C8orf34: variants seen among roughly 807,000 people sequenced by gnomAD.
The protein encoded by C8orf34 is chromosome 8 open reading frame 34, also known as uncharacterized protein C8orf34.
A neutral mutation model predicts 68.3 loss-of-function variants in C8orf34; 65 were observed. The ratio of observed to expected loss-of-function variants is 0.95; its 90% confidence interval spans 0.78 to 1.17. The LOEUF is 1.17. Ranked by LOEUF, C8orf34 falls within the 50% of genes most tolerant of loss-of-function variation. C8orf34 has a pLI of 0.00. For synonymous variants in C8orf34, 244 were observed against 241.2 expected (o/e 1.01, Z -0.11); for missense variants, 664 against 655.4 (o/e 1.01, Z -0.14).
At chr8:68,344,840 G>T (rs546552421) in intron 1 of C8orf34, among the ~76,000 whole-genome samples, 1 of 152,140 alleles carries the variant, frequency 6.6e-6, no homozygotes, top group South Asian at 2.1e-4. Context: ...TTTTTATTGG[G>T]GGGGAGTAAC....
intron 1 of C8orf34, among the ~76,000 whole-genome samples, chr8:68,362,476 C>G (rs968188181): frequency 5.9e-5 from 9 of 152,194 alleles, no homozygotes; most frequent in Non-Finnish European, 8.8e-5. Context: ...GTGAGCGACG[C>G]AGAAGACGGG....
intron 8 of C8orf34, among the ~76,000 whole-genome samples, chr8:68,694,984 G>A (rs1026752838): frequency 6.6e-6 from 1 of 151,838 alleles, no homozygotes; most frequent in Non-Finnish European, 1.5e-5. Context: ...TTCAAAAAAC[G>A]ATTTACTATC....
chr8:68,333,109 A>T (rs993283117), intron 1 of C8orf34, among the ~76,000 whole-genome samples: 2 of 152,182 alleles, frequency 1.3e-5, no homozygotes, highest in African/African-American at 2.4e-5. Context: ...TTGTTATCTT[A>T]AAATCCCCAA....
At chr8:68,694,768 T>C (rs1398387135) in intron 8 of C8orf34, among the ~76,000 whole-genome samples, 1 of 151,534 alleles carries the variant, frequency 6.6e-6, no homozygotes, top group Admixed American at 6.6e-5. Flanking sequence ...CTGGTTCACT[T>C]TTTAGTAAAA....
chr8:68,380,313 A>G (rs1367608191), intron 1 of C8orf34, among the ~76,000 whole-genome samples: 2 of 152,242 alleles, frequency 1.3e-5, no homozygotes, highest in Admixed American at 6.5e-5. Flanking sequence ...CATGACAGGA[A>G]CAAGATGTAC....
In C8orf34 at chr8:68,408,301, G is replaced by A. The variant is rs149019302; in HGVS notation, c.328-31198G>A. Among the ~76,000 whole-genome samples the A allele has an allele frequency of 2.1e-3, 322 of 151,500 alleles. 1 individual carries two copies. The highest frequency in any genetic ancestry group is 7.4e-3 in the African/African-American group (305 of 41,268). Reference sequence around the variant, plus strand: ...AACAAGTTCAGCTATATTATGATGGGTTGTATAATTATTGTATTATATATT... The same window carrying A: ...AACAAGTTCAGCTATATTATGATGGATTGTATAATTATTGTATTATATATT... On this transcript the variant is annotated intron_variant, in intron 1 of 13. Coordinates refer to ENST00000518698, the MANE Select transcript of C8orf34 (RefSeq NM_052958.4).
At chr8:68,684,855 C>T (rs1179187064) in intron 8 of C8orf34, among the ~76,000 whole-genome samples, 3 of 151,802 alleles carry the variant, frequency 2.0e-5, no homozygotes, top group Admixed American at 2.0e-4. Flanking sequence ...CTCCGTCACC[C>T]AGGCTGGAGT....
chr8:68,722,717 T>C (rs900693985), intron 10 of C8orf34, among the ~76,000 whole-genome samples: 1 of 152,054 alleles, frequency 6.6e-6, no homozygotes, highest in Non-Finnish European at 1.5e-5. Context: ...GCAAGAATTT[T>C]TGTACATTTT....
At chr8:68,558,163 GA>G (rs1206395686) in intron 7 of C8orf34, among the ~76,000 whole-genome samples, 1 of 152,112 alleles carries the variant, frequency 6.6e-6, no homozygotes, top group African/African-American at 2.4e-5. Flanking sequence ...GATAATAGGT[GA>G]AAACTATTAT....
intron 1 of C8orf34, among the ~76,000 whole-genome samples, chr8:68,361,310 G>T (rs1345065067): frequency 6.6e-6 from 1 of 152,198 alleles, no homozygotes; most frequent in Non-Finnish European, 1.5e-5. Flanking sequence ...AGAAGATGGA[G>T]TAAGGCCTTT....
chr8:68,787,631 TAAA>T, intron 12 of C8orf34, 95 bp downstream of exon 12: 15 of 571,098 alleles, frequency 2.6e-5, no homozygotes, highest in East Asian at 7.3e-5. Context: ...ACAACTTCTG[TAAA>T]AAAAAAAAAA....
At chr8:68,493,673 A>T in intron 5 of C8orf34, among the ~76,000 whole-genome samples, 1 of 152,214 alleles carries the variant, frequency 6.6e-6, no homozygotes, top group East Asian at 1.9e-4. Context: ...ATGTAAGAGC[A>T]TTAAGAAGCA....
At chr8:68,595,246 C>T (rs1292687975) in intron 7 of C8orf34, among the ~76,000 whole-genome samples, 1 of 151,380 alleles carries the variant, frequency 6.6e-6, no homozygotes, top group Non-Finnish European at 1.5e-5. Context: ...GCTATTTTCT[C>T]TAATAGTTCT....
chr8:68,420,877 A>G (rs1284588804), intron 1 of C8orf34, among the ~76,000 whole-genome samples: 1 of 74,508 alleles, frequency 1.3e-5, no homozygotes, highest in African/African-American at 9.6e-5. Context: ...AAATCATGGA[A>G]AAAAAAAAAA....
chr8:68,808,099 C>T (rs1824538611), intron 12 of C8orf34, among the ~76,000 whole-genome samples: 1 of 152,124 alleles, frequency 6.6e-6, no homozygotes, highest in Non-Finnish European at 1.5e-5. Flanking sequence ...AAATTCTGTG[C>T]TCATTTCTTT....
chr8:68,557,535 C>G (rs1180413098), intron 7 of C8orf34, among the ~76,000 whole-genome samples: 1 of 152,182 alleles, frequency 6.6e-6, no homozygotes, highest in Admixed American at 6.5e-5. Context: ...ATTGCTATTT[C>G]TTTGCTGTCT....
At chr8:68,670,545 C>T (rs1406151670) in intron 8 of C8orf34, among the ~76,000 whole-genome samples, 1 of 152,054 alleles carries the variant, frequency 6.6e-6, no homozygotes, top group Non-Finnish European at 1.5e-5. Context: ...GAAGTTCTAC[C>T]CCTCACCTTC....
At chr8:68,659,030 G>A (rs1474569325) in intron 8 of C8orf34, among the ~76,000 whole-genome samples, 2 of 152,078 alleles carry the variant, frequency 1.3e-5, no homozygotes, top group East Asian at 3.9e-4. Flanking sequence ...CATCAGGAAG[G>A]GAGATATTTC....
chr8:68,568,378 G>C (rs1199512804), intron 7 of C8orf34, among the ~76,000 whole-genome samples: 1 of 152,092 alleles, frequency 6.6e-6, no homozygotes, highest in Admixed American at 6.5e-5. Flanking sequence ...TCCAGCTTTT[G>C]CAAGTGAGAG....
Sources: allele counts gnomAD v4.1 joint callset (sites outside exome capture counted in the v4.1 genomes callset), GRCh38; gene constraint gnomAD v4.1.1; transcripts MANE v1.5; gene names NCBI Gene and HGNC (gene_info 2026-07-23, HGNC 2026-07-21).